Variants in UPRT observed in about 807,000 individuals in gnomAD.
UPRT encodes RP11-311P8.3.
In UPRT, 5 loss-of-function variants were observed where a neutral mutation model predicts 22.6. The observed-to-expected ratio is 0.22, with a 90% CI of 0.12 to 0.47. The LOEUF (loss-of-function observed/expected upper bound fraction) is 0.47, where lower values mean the gene tolerates loss of function less well. Among genes scored for constraint, UPRT ranks in the 20% least tolerant of loss-of-function variants. UPRT has a pLI of 0.99. For synonymous variants in UPRT, 77 were observed against 87.7 expected (o/e 0.88, Z 0.68); for missense variants, 181 against 239.9 (o/e 0.75, Z 1.62).
At position 75,228,246 on chromosome X, in the gene UPRT, T is replaced by A. The variant is rs1429799509; in HGVS notation, c.-447+60367T>A. Among the ~76,000 whole-genome samples, 6 of 112,005 alleles carry A rather than the reference T, an allele frequency of 5.4e-5. No individual in the cohort carries two copies. In the East Asian group the frequency reaches 1.7e-3, roughly 32 times the overall value. ...GGCAAGGGCTCTAGGTCTTTGTATT[T>A]TCACATGGATCTGTCAATGGATGCA... On this transcript the variant is annotated intron_variant, in intron 4 of 13. Coordinates refer to the UPRT transcript ENST00000652605.
At chrX:75,260,429 A>C (rs1419545260) in intron 4 of UPRT, among the ~76,000 whole-genome samples, 3 of 110,697 alleles carry the variant, frequency 2.7e-5, no homozygotes, top group Non-Finnish European at 5.7e-5. Context: ...AATGGAAAGC[A>C]AAAAAAAAGC....
At chrX:75,182,847 A>G (rs1417062969) in intron 4 of UPRT, among the ~76,000 whole-genome samples, 1 of 109,197 alleles carries the variant, frequency 9.2e-6, no homozygotes, top group Non-Finnish European at 1.9e-5. Context: ...AATTTCCTTC[A>G]GTTTAGGTAT....
At chrX:75,173,190 C>G (rs1034618202) in intron 4 of UPRT, among the ~76,000 whole-genome samples, 1 of 112,302 alleles carries the variant, frequency 8.9e-6, no homozygotes, top group Non-Finnish European at 1.9e-5. Context: ...GGTGCATTCA[C>G]AAACATTGAG....
chrX:75,302,286 A>T (rs1419182306), intron 6 of UPRT, among the ~76,000 whole-genome samples: 1 of 111,847 alleles, frequency 8.9e-6, no homozygotes, highest in Non-Finnish European at 1.9e-5. Context: ...CACAGGTGGC[A>T]TTGAAAATAT....
intron 3 of UPRT, among the ~76,000 whole-genome samples, chrX:75,166,401 C>G (rs907657736): frequency 9.0e-6 from 1 of 111,416 alleles, no homozygotes; most frequent in African/African-American, 3.3e-5. Flanking sequence ...AGCATGTTGT[C>G]TGTAACACTT....
rs950010769 is a variant in UPRT, at chrX:75,171,293, G to A, written c.-447+3414G>A. Among the ~76,000 whole-genome samples, 5 of 111,184 alleles carry A rather than the reference G, an allele frequency of 4.5e-5. No homozygotes were observed. In the Admixed American group the frequency reaches 4.8e-4, roughly 11 times the overall value. On this transcript the variant is annotated intron_variant, in intron 4 of 13. Transcript: ENST00000652605. ...TTAAAATTATTTTTTCTTTGTCTTT[G>A]TTGGATTTGGTTAAATCAAAAGCCT...
At chrX:75,172,799 C>T (rs1007173418) in intron 4 of UPRT, among the ~76,000 whole-genome samples, 3 of 110,452 alleles carry the variant, frequency 2.7e-5, no homozygotes, top group Non-Finnish European at 3.8e-5. Context: ...CTCGTGGTCT[C>T]GCTGGGCTCA....
At position 75,156,857 on chromosome X, in the gene UPRT, C is replaced by T. The variant is rs1309607134; in HGVS notation, c.-737+307C>T. On this transcript the variant is annotated intron_variant, in intron 1 of 13. Coordinates refer to the UPRT transcript ENST00000652605. ...GCTGATTGTTCTCTGTTGCGCAAAC[C>T]TTGGGGCAGTTTTCCTTTGGTCTGT... is the stretch of plus-strand genomic sequence containing the variant. 1.1e-5 allele frequency: 3 copies of T among 282,451 alleles called. No individual in the cohort carries two copies. In the Admixed American group the frequency reaches 1.2e-4, roughly 11 times the overall value. 23.3% of individuals were successfully genotyped at this position (282,451 alleles called of 1,213,427 possible).
chrX:75,303,186 G>C (rs937183959), intron 6 of UPRT, among the ~76,000 whole-genome samples: 6 of 111,754 alleles, frequency 5.4e-5, no homozygotes, highest in Non-Finnish European at 1.1e-4. Flanking sequence ...ATAATTCTAA[G>C]AATGTATTAG....
chrX:75,243,522 T>C (rs140319334), intron 4 of UPRT, among the ~76,000 whole-genome samples: 130 of 111,812 alleles, frequency 1.2e-3, no homozygotes, highest in African/African-American at 3.8e-3. Flanking sequence ...AGATGAAACT[T>C]TTTTTGTAAA....
chrX:75,246,888 G>A (rs1056470067), intron 4 of UPRT, among the ~76,000 whole-genome samples: 2 of 111,757 alleles, frequency 1.8e-5, no homozygotes, highest in African/African-American at 6.5e-5. Flanking sequence ...TCTGTTGGCT[G>A]CATAAATGTC....
chrX:75,224,589 C>T, intron 4 of UPRT, among the ~76,000 whole-genome samples: 1 of 110,919 alleles, frequency 9.0e-6, no homozygotes, highest in Non-Finnish European at 1.9e-5. Context: ...TTTTCCTGAT[C>T]ACACCCAGCC....
At chrX:75,223,502 G>T (rs1414725116) in intron 4 of UPRT, among the ~76,000 whole-genome samples, 1 of 111,281 alleles carries the variant, frequency 9.0e-6, no homozygotes, top group African/African-American at 3.3e-5. Context: ...GGTGAAGCTT[G>T]CTGAATATCA....
chrX:75,179,880 G>A (rs899964252), intron 4 of UPRT, among the ~76,000 whole-genome samples: 7 of 112,749 alleles, frequency 6.2e-5, no homozygotes, highest in African/African-American at 9.7e-5. Context: ...ATGCAGCCCC[G>A]GTTCCCGCTC....
At chrX:75,178,017 C>T (rs2082254381) in intron 4 of UPRT, among the ~76,000 whole-genome samples, 2 of 112,377 alleles carry the variant, frequency 1.8e-5, no homozygotes, top group South Asian at 7.4e-4. Context: ...GCTTGGGCGA[C>T]ATGCTTGTGA....
chrX:75,286,505 A>T (rs909492784), intron 1 of UPRT, among the ~76,000 whole-genome samples: 4 of 111,883 alleles, frequency 3.6e-5, no homozygotes, highest in African/African-American at 1.3e-4. Context: ...AGTTGTTTTT[A>T]GGTGATAAGT....
intron 4 of UPRT, among the ~76,000 whole-genome samples, chrX:75,172,775 T>C (rs1412951908): frequency 1.8e-5 from 2 of 110,656 alleles, no homozygotes; most frequent in Non-Finnish European, 3.8e-5. Context: ...GAGTTGTTTT[T>C]TCCTCCCGGT....
chrX:75,172,764 G>A (rs1038470614), intron 4 of UPRT, among the ~76,000 whole-genome samples: 1 of 109,848 alleles, frequency 9.1e-6, no homozygotes, highest in Non-Finnish European at 1.9e-5. Context: ...CAGCGCGTTT[G>A]GAGTTGTTTT....
rs1036549791 is a variant in UPRT, at chrX:75,274,089, T to C, written c.-166T>C. 8.3e-6 allele frequency: 6 copies of C among 721,397 alleles called. No individual in the cohort carries two copies. In the African/African-American group the frequency reaches 1.3e-4, roughly 16 times the overall value. The allele number at this position is 721,397 out of a possible 1,213,427, so 59.5% of individuals were successfully genotyped here. A position where few individuals can be genotyped will look rare whatever the true frequency, so the allele number is the denominator to read the frequency against. On this transcript the variant is annotated 5_prime_UTR_variant, in exon 1 of 7. Transcript: ENST00000373383. ...TGGTGTGGGCGGGAGTGAGCCAAAG[T>C]GTGCTAAAGGAAACCAACAGCGGCC...
Sources: gnomAD v4.1 joint callset for allele counts (sites outside exome capture counted in the v4.1 genomes callset) on GRCh38, gnomAD v4.1.1 for gene constraint, MANE v1.5 for transcripts, NCBI Gene and HGNC (gene_info 2026-07-23, HGNC 2026-07-21) for gene names.